Variants in LARGE1 observed in about 807,000 individuals in gnomAD.
The protein encoded by LARGE1 is LARGE xylosyl- and glucuronyltransferase 1.
A neutral mutation model predicts 87.6 loss-of-function variants in LARGE1; 43 were observed. The ratio of observed to expected loss-of-function variants is 0.49; its 90% CI spans 0.38 to 0.63. The LOEUF is 0.63. LARGE1 is among the 30% of genes least tolerant of loss of function. The pLI is 0.00. For synonymous variants in LARGE1, 434 were observed against 394.6 expected (o/e 1.10, Z -1.18); for missense variants, 802 against 1,000.2 (o/e 0.80, Z 2.67).
At chr22:33,225,359 A>G (rs1349356993) in intron 11 of LARGE1, among the ~76,000 whole-genome samples, 1 of 152,242 alleles carries the variant, frequency 6.6e-6, no homozygotes, top group Non-Finnish European at 1.5e-5. Context: ...TAAGGAGATC[A>G]ATGATTGAGC....
intron 1 of LARGE1, among the ~76,000 whole-genome samples, chr22:33,831,988 C>T (rs2062985858): frequency 1.3e-5 from 2 of 152,206 alleles, no homozygotes; most frequent in African/African-American, 4.8e-5. Context: ...CTTTCTGTTC[C>T]TGCAGTTCCC....
intron 11 of LARGE1, among the ~76,000 whole-genome samples, chr22:33,181,255 T>C (rs1398628289): frequency 6.6e-6 from 1 of 152,160 alleles, no homozygotes; most frequent in East Asian, 1.9e-4. Flanking sequence ...AGAGGTCCAA[T>C]CCAGCAGTTT....
At chr22:33,440,413 C>A (rs1336952375) in intron 6 of LARGE1, among the ~76,000 whole-genome samples, 2 of 152,252 alleles carry the variant, frequency 1.3e-5, no homozygotes, top group South Asian at 4.1e-4. Context: ...CCTGGGCACA[C>A]AGAGGAAGTC....
chr22:33,583,762 C>G (rs1031211668), intron 5 of LARGE1, among the ~76,000 whole-genome samples: 4 of 152,194 alleles, frequency 2.6e-5, no homozygotes. Context: ...CCTTGTCCAT[C>G]CCTTCAGTAA....
intron 10 of LARGE1, among the ~76,000 whole-genome samples, chr22:33,316,780 C>T (rs1936209000): frequency 6.6e-6 from 1 of 152,076 alleles, no homozygotes; most frequent in Non-Finnish European, 1.5e-5. Flanking sequence ...AAGAGGATGC[C>T]TTTAACACCT....
intron 6 of LARGE1, among the ~76,000 whole-genome samples, chr22:33,452,347 C>T (rs1269914725): frequency 1.3e-5 from 2 of 152,138 alleles, no homozygotes; most frequent in Non-Finnish European, 2.9e-5. Context: ...TGGGGAAGCA[C>T]AGCTGAGGTG....
chr22:33,514,525 CTATT>C (rs2071209480), intron 6 of LARGE1, among the ~76,000 whole-genome samples: 4 of 152,052 alleles, frequency 2.6e-5, no homozygotes, highest in Admixed American at 1.3e-4. Context: ...AGTATAATAA[CTATT>C]TACATGGTGC....
At chr22:33,470,691 A>G (rs2068793920) in intron 6 of LARGE1, among the ~76,000 whole-genome samples, 1 of 152,030 alleles carries the variant, frequency 6.6e-6, no homozygotes, top group African/African-American at 2.4e-5. Context: ...CTTCCTCTAC[A>G]CGGACCTTGA....
chr22:33,695,918 T>C (rs987452303), intron 2 of LARGE1, among the ~76,000 whole-genome samples: 2 of 152,216 alleles, frequency 1.3e-5, no homozygotes, highest in Non-Finnish European at 2.9e-5. Flanking sequence ...CAATCCCTTA[T>C]TGATTAAGCT....
At chr22:33,797,953 A>C (rs1284505828) in intron 1 of LARGE1, among the ~76,000 whole-genome samples, 1 of 152,196 alleles carries the variant, frequency 6.6e-6, no homozygotes, top group Non-Finnish European at 1.5e-5. Flanking sequence ...TAAAGCAATA[A>C]ATGCTATCGT....
intron 1 of LARGE1, among the ~76,000 whole-genome samples, chr22:33,784,191 A>G (rs2085523382): frequency 6.6e-6 from 1 of 152,184 alleles, no homozygotes; most frequent in Non-Finnish European, 1.5e-5. Context: ...GAATAAACCA[A>G]TAACATTACG....
chr22:33,486,244 C>T (rs1433961682), intron 6 of LARGE1, among the ~76,000 whole-genome samples: 1 of 152,198 alleles, frequency 6.6e-6, no homozygotes, highest in East Asian at 1.9e-4. Context: ...CCTGAAGGCG[C>T]TTCCATCTCT....
At chr22:33,183,189 T>C (rs1923265780) in intron 11 of LARGE1, among the ~76,000 whole-genome samples, 1 of 152,058 alleles carries the variant, frequency 6.6e-6, no homozygotes, top group Non-Finnish European at 1.5e-5. Context: ...CAGACATTTT[T>C]TCAAAGACAT....
intron 7 of LARGE1, among the ~76,000 whole-genome samples, chr22:33,414,776 C>T (rs889087750): frequency 1.3e-5 from 2 of 152,090 alleles, no homozygotes; most frequent in African/African-American, 2.4e-5. Context: ...CATGAGTGTG[C>T]AGTCCTCAAG....
In LARGE1 at chr22:33,313,002, CA is replaced by C. The variant is rs1266806650; in HGVS notation, c.1451+3082del. Among the ~76,000 whole-genome samples, 11 of 152,230 alleles carry C rather than the reference CA, an allele frequency of 7.2e-5. No homozygotes were observed. The East Asian group carries it at 1.9e-3, about 27-fold the overall frequency. On this transcript the variant is annotated intron_variant, in intron 11 of 14. Transcript: ENST00000397394. ...GAGAATTTTAGGGGTGACTCTGGGACACCAGTTGGGTGTCCCTATGGAGACA... is the reference window on the plus strand; with the variant it reads ...GAGAATTTTAGGGGTGACTCTGGGACCCAGTTGGGTGTCCCTATGGAGACA...
At chr22:33,881,947 T>C (rs192563411) in intron 1 of LARGE1, among the ~76,000 whole-genome samples, 1 of 152,124 alleles carries the variant, frequency 6.6e-6, no homozygotes, top group Non-Finnish European at 1.5e-5. Flanking sequence ...AAGTCTCCAA[T>C]AGCACTTTAA....
intron 5 of LARGE1, among the ~76,000 whole-genome samples, chr22:33,588,700 G>A (rs2078750584): frequency 6.6e-6 from 1 of 152,206 alleles, no homozygotes; most frequent in South Asian, 2.1e-4. Flanking sequence ...GGGTGCAGGA[G>A]GGAGAAGATG....
intron 11 of LARGE1, among the ~76,000 whole-genome samples, chr22:33,209,979 T>C (rs1924876785): frequency 6.6e-6 from 1 of 152,200 alleles, no homozygotes; most frequent in African/African-American, 2.4e-5. Context: ...TGGCTCTACA[T>C]TAAAACTACT....
At chr22:33,286,866 C>A (rs1931639615) in intron 12 of LARGE1, among the ~76,000 whole-genome samples, 1 of 152,164 alleles carries the variant, frequency 6.6e-6, no homozygotes, top group South Asian at 2.1e-4. Context: ...AAATAATTCC[C>A]CTTTCTATGG....
Sources: allele counts gnomAD v4.1 joint callset (sites outside exome capture counted in the v4.1 genomes callset), GRCh38; gene constraint gnomAD v4.1.1; transcripts MANE v1.5; gene names NCBI Gene and HGNC (gene_info 2026-07-23, HGNC 2026-07-21).